ANKRD28: variants seen among roughly 807,000 people sequenced by gnomAD.
The protein encoded by ANKRD28 is serine/threonine-protein phosphatase 6 regulatory ankyrin repeat subunit A.
In ANKRD28, 44 loss-of-function variants were observed where a neutral mutation model predicts 126.5. That is an observed-to-expected ratio of 0.35 (90% CI 0.27 to 0.45). ANKRD28 has a LOEUF of 0.45. ANKRD28 is among the 20% of genes least tolerant of loss of function. The pLI, the probability that ANKRD28 is intolerant of heterozygous loss-of-function variation, is 1.00. For synonymous variants in ANKRD28, 442 were observed against 468.5 expected (o/e 0.94, Z 0.73); for missense variants, 1,110 against 1,316.6 (o/e 0.84, Z 2.43).
chr3:15,714,906 G>C (rs765135009), intron 8 of ANKRD28, among the ~76,000 whole-genome samples: 1 of 152,070 alleles, frequency 6.6e-6, no homozygotes, highest in Non-Finnish European at 1.5e-5. Flanking sequence ...GGGACAGTAA[G>C]GATGTGTCTC....
chr3:15,734,294 T>C (rs943025496), intron 6 of ANKRD28, among the ~76,000 whole-genome samples: 1 of 152,224 alleles, frequency 6.6e-6, no homozygotes, highest in Non-Finnish European at 1.5e-5. Context: ...TAATCTTTTA[T>C]TTTTAAATGA....
At chr3:15,754,331 T>G in intron 3 of ANKRD28, among the ~76,000 whole-genome samples, 1 of 152,198 alleles carries the variant, frequency 6.6e-6, no homozygotes. Context: ...CCCTCTTGAT[T>G]ATCAGATTGA....
Position 15,846,862 on chromosome 3 carries a change from A to T in ANKRD28, c.27+12515T>A, listed in dbSNP as rs532172635. Among the ~76,000 whole-genome samples the T allele has an allele frequency of 9.8e-5, 15 of 152,304 alleles. No homozygotes were observed. In the South Asian group the frequency reaches 2.9e-3, roughly 29 times the overall value. On this transcript the variant is annotated intron_variant, in intron 1 of 27. Coordinates refer to the ANKRD28 transcript ENST00000399451. This position sits in a 1 kb window ranked among gnomAD's most constrained non-coding sequence, Gnocchi z 5.4. The stretch of plus-strand genomic sequence containing the variant: ...GAAAAGAAAGACAATCTTTCAAGGG[A>T]GGTTTCTATTTGCCAGGACTAAAGT...
chr3:15,783,941 T>G (rs2059653618), intron 2 of ANKRD28, among the ~76,000 whole-genome samples: 1 of 151,796 alleles, frequency 6.6e-6, no homozygotes. Flanking sequence ...GGAAAAAACT[T>G]TACCCACACA....
chr3:15,770,975 T>A (rs1162286029), intron 2 of ANKRD28, among the ~76,000 whole-genome samples: 2 of 152,214 alleles, frequency 1.3e-5, no homozygotes, highest in African/African-American at 4.8e-5. Flanking sequence ...TGTGTAAAAT[T>A]ATTGTACAAT....
intron 2 of ANKRD28, among the ~76,000 whole-genome samples, chr3:15,780,886 G>A (rs1268558832): frequency 1.3e-5 from 2 of 151,922 alleles, no homozygotes; most frequent in Non-Finnish European, 2.9e-5. Context: ...GAATGAAACT[G>A]GATCCTTATC....
intron 2 of ANKRD28, among the ~76,000 whole-genome samples, chr3:15,788,095 T>C (rs2059864513): frequency 6.6e-6 from 1 of 152,138 alleles, no homozygotes; most frequent in South Asian, 2.1e-4. Flanking sequence ...CTAAAAACAG[T>C]TTGGCTGGAT....
At position 15,850,748 on chromosome 3, in the gene ANKRD28, C is replaced by G. The variant is rs143225292; in HGVS notation, c.27+8629G>C. ...TCCATCTCTATCCTTTTGTAACATC[C>G]TTTAGAATAAATAAGTAAAAATAAG... On this transcript the variant is annotated intron_variant, in intron 1 of 27. Coordinates refer to the ANKRD28 transcript ENST00000399451. 2.5e-3 allele frequency among the ~76,000 whole-genome samples: 384 copies of G among 152,262 alleles called. 4 individuals carry two copies. The highest frequency in any genetic ancestry group is 2.9e-3 in the South Asian group (14 of 4,830).
In ANKRD28 at chr3:15,713,565, C is replaced by T. The variant is rs775194064; in HGVS notation, c.1152G>A (p.Leu384=). 6.2e-7 allele frequency: 1 copy of T among 1,611,568 alleles called. No homozygotes were observed. Among genetic ancestry groups the T allele is most frequent in the East Asian group, 2.2e-5 (1 of 44,734 alleles). Residue 384 remains leucine (L), a synonymous_variant, in exon 10 of 28, where the codon CTG becomes CTA. Coordinates refer to ENST00000683139, the MANE Select transcript of ANKRD28 (RefSeq NM_001349278.2). Reference sequence around the variant, plus strand: ...CACCACTTGTAATAAGAGTGTTGATCAGCAGCTCATGGCCATACCGTGCTG... The same window carrying T: ...CACCACTTGTAATAAGAGTGTTGATTAGCAGCTCATGGCCATACCGTGCTG... The part of the protein sequence containing the change: ...HIAARYGHEL[L]INTLITSGAD...
At position 15,816,631 on chromosome 3, in the gene ANKRD28, C is replaced by T. The variant is rs2060836430; in HGVS notation, c.28-21325G>A. ...GTTTGGTGCCCTTTATTTTACTACA[C>T]TATTTAACCCACTAGATGCTAACTA... is the stretch of plus-strand genomic sequence containing the variant. On this transcript the variant is annotated intron_variant, in intron 1 of 27. Coordinates refer to the ANKRD28 transcript ENST00000399451. This position sits in a 1 kb window ranked among gnomAD's most constrained non-coding sequence, Gnocchi z 5.0. 6.6e-6 allele frequency among the ~76,000 whole-genome samples: 1 copy of T among 151,804 alleles called. No individual in the cohort carries two copies. Among genetic ancestry groups the T allele is most frequent in the South Asian group, 2.1e-4 (1 of 4,824 alleles).
At position 15,843,547 on chromosome 3, in the gene ANKRD28, T is replaced by G. The variant is rs111748451; in HGVS notation, c.27+15830A>C. 2.1e-3 allele frequency among the ~76,000 whole-genome samples: 319 copies of G among 150,884 alleles called. 2 individuals are homozygous for G. Among genetic ancestry groups the G allele is most frequent in the Middle Eastern group, 0.01 (3 of 292 alleles). ...AATACACCTCAATTTCAAATAAGGATAGAATTAGGAGTACAGCAGAATAGT... is the reference window on the plus strand; with the variant it reads ...AATACACCTCAATTTCAAATAAGGAGAGAATTAGGAGTACAGCAGAATAGT... On this transcript the variant is annotated intron_variant, in intron 1 of 27. Coordinates refer to the ANKRD28 transcript ENST00000399451. The surrounding 1 kb of genome is among the most constrained non-coding windows in gnomAD (Gnocchi z 5.2).
At position 15,815,084 on chromosome 3, in the gene ANKRD28, CAT is replaced by C. The variant is rs1392959111; in HGVS notation, c.28-19780_28-19779del. 2.0e-5 allele frequency among the ~76,000 whole-genome samples: 3 copies of C among 151,268 alleles called. No individual in the cohort carries two copies. Among genetic ancestry groups the C allele is most frequent in the Non-Finnish European group, 4.4e-5 (3 of 67,854 alleles). On this transcript the variant is annotated intron_variant, in intron 1 of 27. Coordinates refer to the ANKRD28 transcript ENST00000399451. This position sits in a 1 kb window ranked among gnomAD's most constrained non-coding sequence, Gnocchi z 4.1. Reference sequence around the variant, plus strand: ...TTTGGGTTGCTTCTATTTTAAAATTCATATATAATAATTTTTCTAAGAATATT... The same window carrying C: ...TTTGGGTTGCTTCTATTTTAAAATTCATATAATAATTTTTCTAAGAATATT...
intron 8 of ANKRD28, among the ~76,000 whole-genome samples, chr3:15,716,071 CTCCCGGGTTCAAGTGAT>C (rs1421954205): frequency 1.3e-5 from 2 of 151,518 alleles, no homozygotes; most frequent in African/African-American, 4.9e-5. Context: ...CAACCTCCGC[CTCCCGGGTTCAAGTGAT>C]TCTCCTGCCT....
chr3:15,674,518 T>G (rs1415163532), intron 27 of ANKRD28, among the ~76,000 whole-genome samples: 3 of 152,150 alleles, frequency 2.0e-5, no homozygotes, highest in Non-Finnish European at 2.9e-5. Flanking sequence ...TTTAAGCTGT[T>G]TATCAGACAT....
intron 18 of ANKRD28, 55 bp downstream of exon 18, chr3:15,689,964 G>A (rs1480125421): frequency 5.7e-6 from 8 of 1,399,698 alleles, no homozygotes; most frequent in Non-Finnish European, 6.7e-6. Flanking sequence ...ATCAGAAATT[G>A]AAAAAAAGTA....
chr3:15,785,733 T>C (rs554376789), intron 2 of ANKRD28, among the ~76,000 whole-genome samples: 1 of 152,130 alleles, frequency 6.6e-6, no homozygotes, highest in African/African-American at 2.4e-5. Flanking sequence ...AAAATATACG[T>C]CCCAACAAAA....
chr3:15,852,982 T>C (rs1278747686), intron 1 of ANKRD28, among the ~76,000 whole-genome samples: 1 of 152,124 alleles, frequency 6.6e-6, no homozygotes, highest in Non-Finnish European at 1.5e-5. Flanking sequence ...TGGTAACTTT[T>C]TTTTAAATCA....
At chr3:15,692,711 G>T (rs1323937799) in intron 17 of ANKRD28, among the ~76,000 whole-genome samples, 1 of 152,186 alleles carries the variant, frequency 6.6e-6, no homozygotes, top group East Asian at 1.9e-4. Context: ...AAACCTCCTA[G>T]AGATAGATAT....
intron 18 of ANKRD28, among the ~76,000 whole-genome samples, chr3:15,689,186 A>G (rs927407261): frequency 6.6e-6 from 1 of 152,190 alleles, no homozygotes; most frequent in African/African-American, 2.4e-5. Context: ...TGAAGAGCCA[A>G]GCTGACATTT....
Sources: allele counts gnomAD v4.1 joint callset (sites outside exome capture counted in the v4.1 genomes callset), GRCh38; gene constraint gnomAD v4.1.1; non-coding constraint Gnocchi (gnomAD v3.1); transcripts MANE v1.5; gene names NCBI Gene and HGNC (gene_info 2026-07-23, HGNC 2026-07-21).